Variants in PLPP1 observed in about 807,000 individuals in gnomAD.
The protein encoded by PLPP1 is phospholipid phosphatase 1.
A neutral mutation model predicts 31.2 loss-of-function variants in PLPP1; 24 were observed. The observed-to-expected ratio is 0.77, with a 90% CI of 0.56 to 1.08. PLPP1 has a LOEUF of 1.08. Ranked by LOEUF, PLPP1 falls within the 50% of genes least tolerant of loss-of-function variation. PLPP1 has a pLI of 0.00. For missense variants in PLPP1, 319 were observed against 342.7 expected, an observed-to-expected ratio of 0.93 and a Z score of 0.55; for synonymous variants, 146 against 126.3, an observed-to-expected ratio of 1.16 and a Z score of -1.05.
At chr5:55,522,021 A>T (rs1753680483) in intron 1 of PLPP1, among the ~76,000 whole-genome samples, 1 of 152,208 alleles carries the variant, frequency 6.6e-6, no homozygotes, top group Non-Finnish European at 1.5e-5. Context: ...AATTAACTGA[A>T]GGGCTCATCT....
At chr5:55,454,032 A>AG (rs1751951587) in intron 3 of PLPP1, among the ~76,000 whole-genome samples, 1 of 152,204 alleles carries the variant, frequency 6.6e-6, no homozygotes, top group South Asian at 2.1e-4. Flanking sequence ...GAAAGGACTT[A>AG]GGGGCTGTCT....
chr5:55,436,492 G>A (rs1036601751), intron 4 of PLPP1, among the ~76,000 whole-genome samples: 5 of 152,294 alleles, frequency 3.3e-5, no homozygotes, highest in Non-Finnish European at 2.9e-5. Flanking sequence ...CCTAAGCCAC[G>A]GGGAACTGGG....
intron 2 of PLPP1, among the ~76,000 whole-genome samples, chr5:55,471,758 G>A (rs1389758947): frequency 6.6e-6 from 1 of 152,124 alleles, no homozygotes; most frequent in East Asian, 1.9e-4. Flanking sequence ...AAAGTTAAAT[G>A]TATACAAGTC....
At chr5:55,500,106 G>C (rs1304776841) in intron 1 of PLPP1, among the ~76,000 whole-genome samples, 1 of 137,346 alleles carries the variant, frequency 7.3e-6, no homozygotes, top group Non-Finnish European at 1.5e-5. Context: ...TTGAGACAGA[G>C]TCTCGCTCTG....
At chr5:55,498,225 GAA>G (rs1753043996) in intron 1 of PLPP1, among the ~76,000 whole-genome samples, 2 of 152,192 alleles carry the variant, frequency 1.3e-5, no homozygotes, top group South Asian at 4.1e-4. Flanking sequence ...GAGGGGCTAT[GAA>G]AAGAGCTGTG....
chr5:55,463,949 A>AT (rs960879376), intron 3 of PLPP1, among the ~76,000 whole-genome samples: 11 of 150,444 alleles, frequency 7.3e-5, no homozygotes, highest in Non-Finnish European at 7.4e-5. Context: ...CAAGCAACTA[A>AT]TTTTTTTTTA....
At chr5:55,520,167 G>C (rs915287789) in intron 1 of PLPP1, among the ~76,000 whole-genome samples, 1 of 151,994 alleles carries the variant, frequency 6.6e-6, no homozygotes, top group Non-Finnish European at 1.5e-5. Flanking sequence ...CTTCATTTAG[G>C]TACCTTGTCT....
At position 55,425,003 on chromosome 5, in the gene PLPP1, G is replaced by GT. The variant is rs753841834; in HGVS notation, c.*202dup. The GT allele has an allele frequency of 4.1e-5, 31 of 751,066 alleles. No homozygotes were observed. In the Middle Eastern group the frequency reaches 1.1e-3, roughly 28 times the overall value. 46.5% of individuals were successfully genotyped at this position (751,066 alleles called of 1,614,324 possible). A position where few individuals can be genotyped will look rare whatever the true frequency, so the allele number is the denominator to read the frequency against. ...GCACTGTTTTGGTGGAAGGCTTGGA[G>GT]TTTTTTTAATGAGTTTAGAGCTATT... On this transcript the variant is annotated 3_prime_UTR_variant, in exon 6 of 6. Transcript: ENST00000307259.
intron 1 of PLPP1, chr5:55,530,514 G>C: frequency 8.4e-7 from 1 of 1,192,328 alleles, no homozygotes; most frequent in South Asian, 1.2e-5. Flanking sequence ...GTTCCCTACT[G>C]AATCTTCAGA....
At chr5:55,507,103 T>G (rs1753297125) in intron 1 of PLPP1, among the ~76,000 whole-genome samples, 1 of 152,200 alleles carries the variant, frequency 6.6e-6, no homozygotes, top group Admixed American at 6.5e-5. Flanking sequence ...TTCCCCTTCT[T>G]TACAAAAGAT....
rs1454213992 is a variant in PLPP1, at chr5:55,436,033, A to C, written c.549+5818T>G. ...TGTCTCAGAGAAAAAAAAAAAAAAAAAAACTTCTTAGCCGGGATATTACTA... is the reference window on the plus strand; with the variant it reads ...TGTCTCAGAGAAAAAAAAAAAAAAACAAACTTCTTAGCCGGGATATTACTA... On this transcript the variant is annotated intron_variant, in intron 4 of 5. Coordinates refer to ENST00000307259, the MANE Select transcript of PLPP1 (RefSeq NM_003711.4). Among the ~76,000 whole-genome samples the C allele has an allele frequency of 2.0e-5, 3 of 151,862 alleles. No individual in the cohort carries two copies. In the East Asian group the frequency reaches 5.8e-4, roughly 29 times the overall value.
At chr5:55,476,092 C>A (rs1752544022) in intron 1 of PLPP1, among the ~76,000 whole-genome samples, 1 of 151,832 alleles carries the variant, frequency 6.6e-6, no homozygotes, top group Non-Finnish European at 1.5e-5. Context: ...TATCCTCCCG[C>A]TTCAGCTTCT....
chr5:55,471,202 ATT>A (rs113348948), intron 2 of PLPP1, among the ~76,000 whole-genome samples: 91 of 139,564 alleles, frequency 6.5e-4, no homozygotes, highest in Middle Eastern at 3.6e-3. Context: ...ATCAGATCAG[ATT>A]TTTTTTTTTT....
At chr5:55,517,368 G>GT (rs770799737) in intron 1 of PLPP1, among the ~76,000 whole-genome samples, 74 of 151,890 alleles carry the variant, frequency 4.9e-4, no homozygotes, top group Non-Finnish European at 9.0e-4. Flanking sequence ...GTTTTGTTTT[G>GT]TTTTTTTGGG....
chr5:55,453,477 C>T (rs1181335674), intron 3 of PLPP1, among the ~76,000 whole-genome samples: 1 of 152,164 alleles, frequency 6.6e-6, no homozygotes, highest in African/African-American at 2.4e-5. Context: ...TTAGCTTAAA[C>T]AAGCAGAACT....
At chr5:55,476,560 A>G (rs1752555726) in intron 1 of PLPP1, among the ~76,000 whole-genome samples, 1 of 152,198 alleles carries the variant, frequency 6.6e-6, no homozygotes, top group South Asian at 2.1e-4. Context: ...GATGCAGGTT[A>G]GCAGAAACCC....
At chr5:55,515,872 C>A (rs762380641) in intron 1 of PLPP1, among the ~76,000 whole-genome samples, 2 of 152,100 alleles carry the variant, frequency 1.3e-5, no homozygotes, top group African/African-American at 4.8e-5. Context: ...CACGAATATG[C>A]CAACGATTCT....
chr5:55,513,778 T>C (rs771777374), intron 1 of PLPP1, among the ~76,000 whole-genome samples: 5 of 152,088 alleles, frequency 3.3e-5, no homozygotes, highest in Non-Finnish European at 7.4e-5. Flanking sequence ...TTTTAAAAAT[T>C]AGCCAAGCAT....
chr5:55,513,180 G>T (rs1426258942), intron 1 of PLPP1, among the ~76,000 whole-genome samples: 1 of 151,520 alleles, frequency 6.6e-6, no homozygotes, highest in Non-Finnish European at 1.5e-5. Flanking sequence ...AACTGGGAAA[G>T]AAATAATTTC....
Sources: gnomAD v4.1 joint callset for allele counts (sites outside exome capture counted in the v4.1 genomes callset) on GRCh38, gnomAD v4.1.1 for gene constraint, MANE v1.5 for transcripts, NCBI Gene and HGNC (gene_info 2026-07-23, HGNC 2026-07-21) for gene names.